PBX1: variants seen among roughly 807,000 people sequenced by gnomAD.
PBX1 encodes pre-B-cell leukemia transcription factor 1.
A neutral mutation model predicts 53.4 loss-of-function variants in PBX1; 6 were observed. That is an observed-to-expected ratio of 0.11 (90% CI 0.06 to 0.22). The LOEUF (loss-of-function observed/expected upper bound fraction) is 0.22. Among genes scored for constraint, PBX1 ranks in the 10% least tolerant of loss-of-function variants. The pLI is 1.00. For missense variants in PBX1, 251 were observed against 551.4 expected (o/e 0.46, Z 5.46); for synonymous variants, 204 against 212.3 (o/e 0.96, Z 0.34).
At chr1:164,619,383 C>G (rs1187381379) in intron 2 of PBX1, among the ~76,000 whole-genome samples, 2 of 152,080 alleles carry the variant, frequency 1.3e-5, no homozygotes, top group African/African-American at 4.8e-5. Context: ...CCAAACTGCA[C>G]TTTGTTGGAG....
intron 2 of PBX1, among the ~76,000 whole-genome samples, chr1:164,672,133 C>A (rs549306531): frequency 8.6e-5 from 13 of 151,494 alleles, no homozygotes; most frequent in African/African-American, 3.2e-4. Flanking sequence ...TGTATACGAA[C>A]AGTCATGGAG....
At chr1:164,760,890 C>T (rs1487319514) in intron 2 of PBX1, among the ~76,000 whole-genome samples, 1 of 152,182 alleles carries the variant, frequency 6.6e-6, no homozygotes, top group Admixed American at 6.5e-5. Context: ...AATTAGATTG[C>T]TCCTTAGAGT....
intron 3 of PBX1, among the ~76,000 whole-genome samples, chr1:164,796,342 G>A (rs907343755): frequency 9.9e-5 from 15 of 152,088 alleles, no homozygotes; most frequent in African/African-American, 3.6e-4. Flanking sequence ...TATTATAATA[G>A]ATAAAACCAT....
intron 2 of PBX1, among the ~76,000 whole-genome samples, chr1:164,707,451 GAGAGAA>G (rs1285704571): frequency 3.4e-5 from 5 of 149,030 alleles, no homozygotes; most frequent in African/African-American, 1.2e-4. Flanking sequence ...GAGAGAGAGA[GAGAGAA>G]AGTGCTGAAT....
intron 2 of PBX1, among the ~76,000 whole-genome samples, chr1:164,624,390 A>C (rs913885785): frequency 4.6e-5 from 7 of 152,204 alleles, no homozygotes; most frequent in African/African-American, 7.2e-5. Flanking sequence ...TAGGAGTAAA[A>C]CAAGGAGTGG....
At chr1:164,738,465 AT>A (rs1665418572) in intron 2 of PBX1, among the ~76,000 whole-genome samples, 2 of 151,848 alleles carry the variant, frequency 1.3e-5, no homozygotes, top group Non-Finnish European at 2.9e-5. Context: ...TTTATTTTCA[AT>A]TTTTTTCTAG....
intron 2 of PBX1, among the ~76,000 whole-genome samples, chr1:164,885,584 C>T (rs368168217): frequency 6.6e-6 from 1 of 152,206 alleles, no homozygotes; most frequent in African/African-American, 2.4e-5. Context: ...CTAGCTCTAA[C>T]ATCAAGCAGA....
Position 164,804,136 on chromosome 1 carries a change from A to G in PBX1, c.702-3406A>G, listed in dbSNP as rs1022949828. On this transcript the variant is annotated intron_variant, in intron 4 of 8. Coordinates refer to ENST00000420696, the MANE Select transcript of PBX1 (RefSeq NM_002585.4). ...AAGATTAGTGATTCTCTTGAAGATG[A>G]GCTGTATTGGAGAAAAGACAATGTA... Among the ~76,000 whole-genome samples the G allele has an allele frequency of 2.0e-5, 3 of 152,186 alleles. No homozygotes were observed. In the South Asian group the frequency reaches 6.2e-4, roughly 32 times the overall value.
intron 2 of PBX1, among the ~76,000 whole-genome samples, chr1:164,867,665 A>G (rs772534789): frequency 2.6e-5 from 4 of 152,228 alleles, no homozygotes; most frequent in Non-Finnish European, 5.9e-5. Context: ...AATAAACCCC[A>G]GAATCAGCCA....
At chr1:164,777,205 T>C (rs1319664714) in intron 2 of PBX1, among the ~76,000 whole-genome samples, 1 of 152,022 alleles carries the variant, frequency 6.6e-6, no homozygotes, top group Non-Finnish European at 1.5e-5. Context: ...GGAGGATCAG[T>C]TGAGGCCAGG....
intron 2 of PBX1, among the ~76,000 whole-genome samples, chr1:164,692,136 T>G (rs1241853324): frequency 6.6e-6 from 1 of 152,198 alleles, no homozygotes; most frequent in Non-Finnish European, 1.5e-5. Flanking sequence ...TATACGTGCT[T>G]GTGTGTACCA....
intron 2 of PBX1, among the ~76,000 whole-genome samples, chr1:164,685,513 C>T (rs1263733349): frequency 1.3e-5 from 2 of 152,148 alleles, no homozygotes; most frequent in Non-Finnish European, 2.9e-5. Flanking sequence ...CTGCTCCACT[C>T]GGTCCCCCTT....
rs1671764362 is a variant in PBX1, at chr1:164,850,203, A to C, written c.*3527A>C. ...TAGTTTTTAACACCAGACTACCTAC[A>C]TTCATCATTTCCCTCATTTTTCTTT... On this transcript the variant is annotated 3_prime_UTR_variant, in exon 9 of 9. Coordinates refer to ENST00000420696, the MANE Select transcript of PBX1 (RefSeq NM_002585.4). The C allele has an allele frequency of 4.4e-6, 1 of 226,934 alleles. No homozygotes were observed. The highest frequency in any genetic ancestry group is 8.8e-6 in the Non-Finnish European group (1 of 114,146). 14.1% of individuals were successfully genotyped at this position (226,934 alleles called of 1,614,324 possible). A position where few individuals can be genotyped will look rare whatever the true frequency, so the allele number is the denominator to read the frequency against.
intron 2 of PBX1, among the ~76,000 whole-genome samples, chr1:164,650,741 T>G (rs1659755148): frequency 6.6e-6 from 1 of 152,046 alleles, no homozygotes. Context: ...ACAGTGTGGA[T>G]GTAGCTCATG....
At chr1:164,845,632 AG>A (rs1671534499) in intron 8 of PBX1, among the ~76,000 whole-genome samples, 3 of 152,178 alleles carry the variant, frequency 2.0e-5, no homozygotes, top group Non-Finnish European at 4.4e-5. Context: ...CAACTATTTT[AG>A]TGCTGGGATT....
intron 8 of PBX1, among the ~76,000 whole-genome samples, chr1:164,844,163 T>C (rs1409223372): frequency 6.6e-6 from 1 of 151,008 alleles, no homozygotes; most frequent in East Asian, 1.9e-4. Context: ...CATGACATTG[T>C]ACTTAAAAAC....
At chr1:164,877,966 T>A (rs937222016) in intron 2 of PBX1, among the ~76,000 whole-genome samples, 2 of 152,218 alleles carry the variant, frequency 1.3e-5, no homozygotes, top group African/African-American at 2.4e-5. Flanking sequence ...TTGAGTTTTA[T>A]ATAAGTGGAA....
intron 2 of PBX1, among the ~76,000 whole-genome samples, chr1:164,677,735 T>C (rs747797275): frequency 6.1e-4 from 92 of 151,808 alleles, no homozygotes; most frequent in Admixed American, 1.8e-3. Flanking sequence ...TGGGGACACA[T>C]GGTGTAGTAA....
chr1:164,781,773 A>G (rs1667947653), intron 2 of PBX1, among the ~76,000 whole-genome samples: 1 of 152,112 alleles, frequency 6.6e-6, no homozygotes. Flanking sequence ...CCCTCTAATG[A>G]CCAAGGTCTC....
Sources: gnomAD v4.1 joint callset for allele counts (sites outside exome capture counted in the v4.1 genomes callset) on GRCh38, gnomAD v4.1.1 for gene constraint, MANE v1.5 for transcripts, NCBI Gene and HGNC (gene_info 2026-07-23, HGNC 2026-07-21) for gene names.